BAZ2B: variants seen among roughly 807,000 people sequenced by gnomAD.
The protein encoded by BAZ2B is bromodomain adjacent to zinc finger domain protein 2B.
In BAZ2B, 91 loss-of-function variants were observed where a neutral mutation model predicts 246.0. The observed-to-expected ratio is 0.37, with a 90% CI of 0.31 to 0.44. The LOEUF is 0.44. BAZ2B is among the 20% of genes least tolerant of loss of function. The pLI is 1.00. For synonymous variants in BAZ2B, 855 were observed against 860.0 expected (o/e 0.99, Z 0.10); for missense variants, 2,332 against 2,533.7 (o/e 0.92, Z 1.71).
At chr2:159,484,862 T>A (rs1422407326) in intron 2 of BAZ2B, among the ~76,000 whole-genome samples, 2 of 152,148 alleles carry the variant, frequency 1.3e-5, no homozygotes, top group African/African-American at 4.8e-5. Flanking sequence ...AGCCACAGAT[T>A]AAAGATGCAG....
the BAZ2B span, among the ~76,000 whole-genome samples, chr2:159,637,196 G>GGTACCAGC: frequency 6.6e-6 from 1 of 152,166 alleles, no homozygotes; most frequent in East Asian, 1.9e-4. Context: ...TTGCACCTTA[G>GGTACCAGC]GTACCAGCTT....
chr2:159,565,225 G>C (rs1009736826), intron 1 of BAZ2B, among the ~76,000 whole-genome samples: 11 of 152,244 alleles, frequency 7.2e-5, no homozygotes, highest in African/African-American at 2.2e-4. Context: ...AAGTGGTAAG[G>C]ACAAAAGAAT....
the BAZ2B span, among the ~76,000 whole-genome samples, chr2:159,622,859 T>C: frequency 6.6e-6 from 1 of 151,276 alleles, no homozygotes; most frequent in African/African-American, 2.4e-5. Flanking sequence ...TAGTGGGGCA[T>C]GGTGGTGTGC....
chr2:159,420,667 C>T (rs2068594363), intron 13 of BAZ2B, among the ~76,000 whole-genome samples: 1 of 152,134 alleles, frequency 6.6e-6, no homozygotes, highest in African/African-American at 2.4e-5. Context: ...TATTTTGACG[C>T]CTTCCTCTAG....
chr2:159,699,677 T>C, the BAZ2B span, among the ~76,000 whole-genome samples: 3 of 152,238 alleles, frequency 2.0e-5, no homozygotes, highest in Non-Finnish European at 2.9e-5. Context: ...TCACTCCTAA[T>C]GTTGCTTCTT....
rs936309523 is a variant in BAZ2B at position 159,516,160 on chromosome 2, T to G, written c.-2-37439A>C. 2.0e-5 allele frequency: 3 copies of G among 152,082 alleles called. No homozygotes were observed. In the East Asian group the frequency reaches 5.8e-4, roughly 29 times the overall value. 9.4% of individuals were successfully genotyped at this position (152,082 alleles called of 1,614,324 possible). ...TCTACTCTAATTGTAAACTTTAACTTCAGGATATATTTATAAGAGATCTAT... is the reference window on the plus strand; with the variant it reads ...TCTACTCTAATTGTAAACTTTAACTGCAGGATATATTTATAAGAGATCTAT... On this transcript the variant is annotated intron_variant, in intron 2 of 36. Coordinates refer to ENST00000392783, the MANE Select transcript of BAZ2B (RefSeq NM_013450.4).
At chr2:159,553,569 T>A (rs901341151) in intron 2 of BAZ2B, among the ~76,000 whole-genome samples, 8 of 151,992 alleles carry the variant, frequency 5.3e-5, no homozygotes, top group African/African-American at 1.7e-4. Flanking sequence ...AATGCTTTAA[T>A]CAGATCAAAC....
chr2:159,411,433 T>C (rs1031457337), intron 14 of BAZ2B, among the ~76,000 whole-genome samples: 4 of 152,216 alleles, frequency 2.6e-5, no homozygotes, highest in African/African-American at 9.6e-5. Context: ...TTTATACATT[T>C]CCTCCACATT....
chr2:159,692,118 A>G, the BAZ2B span, among the ~76,000 whole-genome samples: 66 of 152,224 alleles, frequency 4.3e-4, no homozygotes, highest in African/African-American at 1.4e-3. Context: ...GTACCTACAT[A>G]TATTTCATGC....
intron 27 of BAZ2B, among the ~76,000 whole-genome samples, chr2:159,364,106 C>A (rs1378694838): frequency 6.6e-6 from 1 of 152,156 alleles, no homozygotes; most frequent in Non-Finnish European, 1.5e-5. Flanking sequence ...TGGGCTCAGT[C>A]CCCTTTACTC....
chr2:159,420,558 A>C (rs886693828), intron 13 of BAZ2B, among the ~76,000 whole-genome samples: 1 of 152,132 alleles, frequency 6.6e-6, no homozygotes, highest in Admixed American at 6.6e-5. Context: ...AAATAAACTT[A>C]AGGTCTTTAT....
intron 8 of BAZ2B, chr2:159,435,105 G>A (rs967702222): frequency 1.3e-5 from 2 of 151,814 alleles, no homozygotes; most frequent in African/African-American, 4.8e-5. Context: ...ATCAGACCTG[G>A]GCTCCTAACA....
At chr2:159,549,700 C>A (rs1204767354) in intron 2 of BAZ2B, among the ~76,000 whole-genome samples, 2 of 151,232 alleles carry the variant, frequency 1.3e-5, no homozygotes, top group African/African-American at 2.4e-5. Context: ...GCATGTGGCC[C>A]ACAGGCCACA....
At position 159,430,316 on chromosome 2, in the gene BAZ2B, G is replaced by C. The variant is rs545782099; in HGVS notation, c.2194+547C>G. On this transcript the variant is annotated intron_variant, in intron 10 of 36. Coordinates refer to ENST00000392783, the MANE Select transcript of BAZ2B (RefSeq NM_013450.4). ...TAATGATCCACTTCCAGGTAATGAA[G>C]AGTCAATATATTTCCTCTTGCTTAT... 5.3e-5 allele frequency among the ~76,000 whole-genome samples: 8 copies of C among 152,280 alleles called. 1 individual carries two copies. The South Asian group carries it at 1.7e-3, about 32-fold the overall frequency.
the BAZ2B span, among the ~76,000 whole-genome samples, chr2:159,656,069 ATT>A: frequency 6.6e-6 from 1 of 151,782 alleles, no homozygotes; most frequent in African/African-American, 2.4e-5. Context: ...ATTCTGTTGT[ATT>A]TTCCTGAAAG....
At chr2:159,377,420 T>G (rs921972835) in intron 25 of BAZ2B, among the ~76,000 whole-genome samples, 8 of 152,202 alleles carry the variant, frequency 5.3e-5, no homozygotes, top group African/African-American at 1.9e-4. Context: ...ATTTATTACT[T>G]TATAAAATTT....
downstream of BAZ2B, among the ~76,000 whole-genome samples, chr2:159,316,962 C>T (rs2148677650): frequency 6.6e-6 from 1 of 151,956 alleles, no homozygotes; most frequent in Non-Finnish European, 1.5e-5. Context: ...GATCACACCA[C>T]TGCATTCCAG....
At chr2:159,578,542 C>G (rs1329461513) in intron 1 of BAZ2B, among the ~76,000 whole-genome samples, 1 of 152,060 alleles carries the variant, frequency 6.6e-6, no homozygotes, top group Non-Finnish European at 1.5e-5. Flanking sequence ...CAAGGATATC[C>G]AGGAATTGAA....
intron 6 of BAZ2B, 135 bp from the exon 7 acceptor site, chr2:159,439,347 G>GT: frequency 1.3e-6 from 1 of 775,188 alleles, no homozygotes. Flanking sequence ...GTCACATATC[G>GT]TAAGGATAAT....
Sources: gnomAD v4.1 joint callset for allele counts (sites outside exome capture counted in the v4.1 genomes callset) on GRCh38, gnomAD v4.1.1 for gene constraint, MANE v1.5 for transcripts, NCBI Gene and HGNC (gene_info 2026-07-23, HGNC 2026-07-21) for gene names.